The following ADAM12 variants were observed in gnomAD, a reference collection of about 807,000 sequenced individuals.
ADAM12 encodes disintegrin and metalloproteinase domain-containing protein 12.
Under a neutral mutation model 106.4 loss-of-function variants are expected in ADAM12, and 70 were observed. The observed-to-expected ratio is 0.66, with a 90% CI of 0.54 to 0.80. The LOEUF is 0.80. Among genes scored for constraint, ADAM12 ranks in the 30% least tolerant of loss-of-function variants. The pLI is 0.00. For missense variants in ADAM12, 1,010 were observed against 1,171.9 expected (o/e 0.86, Z 2.02); for synonymous variants, 420 against 433.5 (o/e 0.97, Z 0.39).
intron 2 of ADAM12, among the ~76,000 whole-genome samples, chr10:126,327,234 A>T (rs1854337523): frequency 6.6e-6 from 1 of 152,152 alleles, no homozygotes; most frequent in Non-Finnish European, 1.5e-5. Context: ...TAGGATGCGG[A>T]TGTGAGGAAT....
chr10:126,069,632 G>A (rs1954944246), intron 12 of ADAM12, among the ~76,000 whole-genome samples: 2 of 152,236 alleles, frequency 1.3e-5, no homozygotes, highest in African/African-American at 4.8e-5. Flanking sequence ...ATGTGATGGT[G>A]GTGGTGGGGA....
intron 1 of ADAM12, among the ~76,000 whole-genome samples, chr10:126,383,438 A>C (rs925847623): frequency 2.6e-5 from 4 of 152,198 alleles, no homozygotes; most frequent in African/African-American, 4.8e-5. Flanking sequence ...GTGAGGAAGA[A>C]ATAATTGAAG....
intron 3 of ADAM12, among the ~76,000 whole-genome samples, chr10:126,225,875 A>T (rs941983495): frequency 6.6e-6 from 1 of 152,196 alleles, no homozygotes; most frequent in Non-Finnish European, 1.5e-5. Context: ...AGGATGTAAG[A>T]GCCCAGAGCG....
intron 3 of ADAM12, among the ~76,000 whole-genome samples, chr10:126,208,342 C>A (rs1327055043): frequency 6.6e-6 from 1 of 152,104 alleles, no homozygotes; most frequent in Non-Finnish European, 1.5e-5. Flanking sequence ...AGTGCAGCCC[C>A]CAGCAACAAA....
chr10:126,337,765 G>A (rs1448352397), intron 1 of ADAM12, among the ~76,000 whole-genome samples: 1 of 151,940 alleles, frequency 6.6e-6, no homozygotes, highest in Non-Finnish European at 1.5e-5. Context: ...TGTTTTTTTT[G>A]TTTACTCCTT....
At chr10:126,164,407 G>A (rs188574692) in intron 3 of ADAM12, among the ~76,000 whole-genome samples, 5 of 152,252 alleles carry the variant, frequency 3.3e-5, no homozygotes, top group Admixed American at 1.3e-4. Flanking sequence ...GCATCCAACC[G>A]AGTTTTTTGC....
chr10:126,124,295 T>C (rs1243098935), intron 5 of ADAM12, among the ~76,000 whole-genome samples: 2 of 151,620 alleles, frequency 1.3e-5, no homozygotes, highest in East Asian at 3.9e-4. Flanking sequence ...ATTTCGGCTT[T>C]TTTTTTTTTT....
chr10:126,215,525 G>C (rs1038131329), intron 3 of ADAM12, among the ~76,000 whole-genome samples: 19 of 152,186 alleles, frequency 1.2e-4, no homozygotes, highest in African/African-American at 4.3e-4. Flanking sequence ...GGGAATCTGT[G>C]AGGGAAGTGT....
intron 1 of ADAM12, among the ~76,000 whole-genome samples, chr10:126,378,482 A>T (rs961934144): frequency 5.3e-5 from 8 of 152,234 alleles, no homozygotes; most frequent in Non-Finnish European, 1.0e-4. Context: ...TTGATTTTTT[A>T]AAAAGTTGCA....
At chr10:126,254,887 T>A (rs1342215041) in intron 3 of ADAM12, among the ~76,000 whole-genome samples, 1 of 152,204 alleles carries the variant, frequency 6.6e-6, no homozygotes, top group African/African-American at 2.4e-5. Context: ...TCATCTCTCT[T>A]GACATAAACC....
At chr10:126,213,166 A>C (rs1050504477) in intron 3 of ADAM12, among the ~76,000 whole-genome samples, 1 of 152,218 alleles carries the variant, frequency 6.6e-6, no homozygotes, top group African/African-American at 2.4e-5. Flanking sequence ...CTTTTAGGAG[A>C]GGGCTTAGCT....
intron 1 of ADAM12, among the ~76,000 whole-genome samples, chr10:126,348,679 G>T (rs1202268268): frequency 2.0e-5 from 3 of 152,096 alleles, no homozygotes; most frequent in Non-Finnish European, 4.4e-5. Flanking sequence ...GTGCCACGTG[G>T]ACTTGCAAAC....
At chr10:126,261,742 C>T (rs547094724) in intron 3 of ADAM12, among the ~76,000 whole-genome samples, 7 of 151,166 alleles carry the variant, frequency 4.6e-5, no homozygotes, top group South Asian at 2.1e-4. Flanking sequence ...AAAACGAAAA[C>T]GGCAAAAACA....
intron 18 of ADAM12, among the ~76,000 whole-genome samples, chr10:126,041,148 G>GTCGT (rs909994669): frequency 2.0e-5 from 3 of 152,118 alleles, no homozygotes; most frequent in African/African-American, 7.2e-5. Flanking sequence ...TCTCCCTGCA[G>GTCGT]TCGTACCCCT....
At chr10:126,127,783 G>C (rs138634291) in intron 5 of ADAM12, among the ~76,000 whole-genome samples, 2 of 152,302 alleles carry the variant, frequency 1.3e-5, no homozygotes, top group East Asian at 3.9e-4. Flanking sequence ...TGAGGAGATG[G>C]GGACACCAGG....
At chr10:126,175,014 C>A (rs1432463039) in intron 3 of ADAM12, among the ~76,000 whole-genome samples, 1 of 152,152 alleles carries the variant, frequency 6.6e-6, no homozygotes, top group Non-Finnish European at 1.5e-5. Context: ...CCTCGGCCTC[C>A]CAAAGTGCTG....
rs141845757 is a variant in ADAM12 at position 126,226,909 on chromosome 10, A to G, written c.260+52006T>C. Among the ~76,000 whole-genome samples, 526 of 152,332 alleles carry G rather than the reference A, an allele frequency of 3.5e-3. 3 individuals carry two copies. The highest frequency in any genetic ancestry group is 0.012 in the African/African-American group (503 of 41,576). On this transcript the variant is annotated intron_variant, in intron 3 of 22. Coordinates refer to ENST00000448723, the MANE Select transcript of ADAM12 (RefSeq NM_001288973.2). The stretch of plus-strand genomic sequence containing the variant: ...TTTCTGGGTGGAAATATGAACATAT[A>G]TACTGGCCAAGTGAACCAATTCCTG...
chr10:126,264,234 G>A (rs377617785), intron 3 of ADAM12, among the ~76,000 whole-genome samples: 13 of 152,164 alleles, frequency 8.5e-5, no homozygotes, highest in South Asian at 4.1e-4. Context: ...GGTGCTGGCC[G>A]GCTGTGGACA....
intron 3 of ADAM12, among the ~76,000 whole-genome samples, chr10:126,231,836 C>T (rs1241387454): frequency 1.3e-5 from 2 of 152,148 alleles, no homozygotes; most frequent in African/African-American, 4.8e-5. Flanking sequence ...CGGGATTGGT[C>T]CTTGACCCAC....
Sources: allele counts gnomAD v4.1 joint callset (sites outside exome capture counted in the v4.1 genomes callset), GRCh38; gene constraint gnomAD v4.1.1; transcripts MANE v1.5; gene names NCBI Gene and HGNC (gene_info 2026-07-23, HGNC 2026-07-21).